Variants in LRBA observed in about 807,000 individuals in gnomAD.
The protein encoded by LRBA is LPS responsive beige-like anchor protein.
Under a neutral mutation model 330.0 loss-of-function variants are expected in LRBA, and 176 were observed. The observed-to-expected ratio is 0.53, with a 90% CI of 0.47 to 0.60. The LOEUF is 0.60. LRBA is among the 20% of genes least tolerant of loss of function. LRBA has a pLI of 0.00. For missense variants in LRBA, 3,259 were observed against 3,444.8 expected (o/e 0.95, Z 1.35); for synonymous variants, 1,230 against 1,193.0 (o/e 1.03, Z -0.64).
chr4:150,978,483 C>T (rs1442627928), intron 2 of LRBA, among the ~76,000 whole-genome samples: 2 of 152,152 alleles, frequency 1.3e-5, no homozygotes, highest in Non-Finnish European at 2.9e-5. Flanking sequence ...TGACAAACAT[C>T]CACAAGCATC....
intron 22 of LRBA, among the ~76,000 whole-genome samples, chr4:150,860,374 T>C (rs78171807): frequency 0.022 from 3,374 of 152,250 alleles, 123 homozygotes; most frequent in African/African-American, 0.076. Flanking sequence ...ATAAAAAGAC[T>C]CCATGATTAA....
In LRBA at chr4:150,662,910, T is replaced by C. The variant is rs114935442; in HGVS notation, c.5921+20641A>G. ...AGGTCAAGACTGCTGTGAGCCAAGA[T>C]TGTGGCACTGCACTCCAACCTGGGT... On this transcript the variant is annotated intron_variant, in intron 37 of 56. Coordinates refer to ENST00000651943, the MANE Select transcript of LRBA (RefSeq NM_001364905.1). Among the ~76,000 whole-genome samples, 713 of 152,236 alleles carry C rather than the reference T, an allele frequency of 4.7e-3. 6 individuals are homozygous for C. Among genetic ancestry groups the C allele is most frequent in the African/African-American group, 0.016 (679 of 41,552 alleles).
chr4:150,370,633 T>A (rs997021264), intron 47 of LRBA, among the ~76,000 whole-genome samples: 1 of 152,178 alleles, frequency 6.6e-6, no homozygotes, highest in Non-Finnish European at 1.5e-5. Context: ...AAGTCTAACA[T>A]AAAAGTGAAC....
intron 55 of LRBA, 74 bp downstream of exon 55, chr4:150,282,376 G>A (rs1359092493): frequency 2.0e-5 from 27 of 1,371,676 alleles, no homozygotes; most frequent in East Asian, 6.9e-5. Context: ...TTTCTTTCGC[G>A]AACCCTCTCC....
intron 36 of LRBA, among the ~76,000 whole-genome samples, chr4:150,716,032 T>C (rs1158793260): frequency 6.6e-6 from 1 of 152,174 alleles, no homozygotes; most frequent in African/African-American, 2.4e-5. Context: ...TCTGATGATA[T>C]AGCTCGAAAC....
intron 40 of LRBA, among the ~76,000 whole-genome samples, chr4:150,526,600 T>G (rs1763502718): frequency 1.3e-5 from 2 of 152,170 alleles, no homozygotes; most frequent in African/African-American, 2.4e-5. Flanking sequence ...TTTTCAGACC[T>G]TCACAAAAAT....
chr4:150,568,067 A>G lies in LRBA; in HGVS notation c.6330+19981T>C, dbSNP rs188467176. Among the ~76,000 whole-genome samples, 876 of 152,318 alleles carry G rather than the reference A, an allele frequency of 5.8e-3. 5 individuals carry two copies. Among genetic ancestry groups the G allele is most frequent in the Non-Finnish European group, 7.8e-3 (528 of 68,002 alleles). The stretch of plus-strand genomic sequence containing the variant: ...ACGCCTGTAATCCCAGACCTTTGGA[A>G]GGCTGAGGCAGGAGGACTGCTTGAG... On this transcript the variant is annotated intron_variant, in intron 40 of 56. Coordinates refer to ENST00000651943, the MANE Select transcript of LRBA (RefSeq NM_001364905.1).
At chr4:150,676,388 GCAAGCGA>G (rs1782561332) in intron 37 of LRBA, among the ~76,000 whole-genome samples, 1 of 152,138 alleles carries the variant, frequency 6.6e-6, no homozygotes, top group South Asian at 2.1e-4. Context: ...TTACATGAAG[GCAAGCGA>G]TATATTTGTC....
At chr4:150,340,773 A>G (rs1308837619) in intron 48 of LRBA, among the ~76,000 whole-genome samples, 2 of 152,118 alleles carry the variant, frequency 1.3e-5, no homozygotes, top group Non-Finnish European at 2.9e-5. Flanking sequence ...TAATTTCCTT[A>G]AGGATTTTTA....
intron 35 of LRBA, among the ~76,000 whole-genome samples, chr4:150,756,178 A>G (rs1273374649): frequency 6.6e-6 from 1 of 152,218 alleles, no homozygotes; most frequent in Non-Finnish European, 1.5e-5. Flanking sequence ...CACACAAGTC[A>G]TAAGACAGGA....
intron 37 of LRBA, among the ~76,000 whole-genome samples, chr4:150,679,840 G>C (rs1354232957): frequency 1.3e-5 from 2 of 152,076 alleles, no homozygotes; most frequent in Non-Finnish European, 1.5e-5. Flanking sequence ...GCATTTTTTA[G>C]AGATGAGAAC....
intron 37 of LRBA, among the ~76,000 whole-genome samples, chr4:150,669,495 T>G (rs748850697): frequency 6.6e-5 from 10 of 152,158 alleles, no homozygotes; most frequent in Non-Finnish European, 1.3e-4. Context: ...CTCCTTGTTT[T>G]TCATGAACTT....
chr4:150,672,232 G>A (rs985042445), intron 37 of LRBA, among the ~76,000 whole-genome samples: 17 of 152,044 alleles, frequency 1.1e-4, no homozygotes, highest in African/African-American at 2.7e-4. Context: ...GTGTACAGGC[G>A]TCAGTACTTT....
intron 40 of LRBA, among the ~76,000 whole-genome samples, chr4:150,559,893 AAT>A (rs1561352588): frequency 7.4e-5 from 4 of 53,984 alleles, no homozygotes; most frequent in African/African-American, 1.5e-4. Flanking sequence ...AATTATATAT[AAT>A]TATATATAAT....
chr4:150,748,059 C>A (rs1286974418), intron 35 of LRBA, among the ~76,000 whole-genome samples: 1 of 152,188 alleles, frequency 6.6e-6, no homozygotes. Flanking sequence ...TGTCCCACCA[C>A]AATAAATAGC....
intron 35 of LRBA, among the ~76,000 whole-genome samples, chr4:150,756,004 C>T (rs72959887): frequency 0.032 from 4,874 of 151,362 alleles, 213 homozygotes; most frequent in African/African-American, 0.11. Context: ...TGAGATGGTG[C>T]CCCTGCACTC....
At chr4:150,415,688 C>A in intron 46 of LRBA, 98 bp from the exon 47 acceptor site, 1 of 702,106 alleles carries the variant, frequency 1.4e-6, no homozygotes, top group South Asian at 2.3e-5. Context: ...TTCAGAAGAA[C>A]AAAATAAACA....
intron 30 of LRBA, among the ~76,000 whole-genome samples, chr4:150,820,130 T>C (rs780371610): frequency 1.3e-4 from 20 of 152,050 alleles, no homozygotes; most frequent in Non-Finnish European, 2.2e-4. Flanking sequence ...ACAATTATTA[T>C]TCAATTCTCA....
At chr4:150,610,672 C>T (rs1775163021) in intron 37 of LRBA, among the ~76,000 whole-genome samples, 1 of 152,178 alleles carries the variant, frequency 6.6e-6, no homozygotes, top group East Asian at 1.9e-4. Flanking sequence ...ATTTGGTTGG[C>T]AGACCAAAAT....
Sources: allele counts gnomAD v4.1 joint callset (sites outside exome capture counted in the v4.1 genomes callset), GRCh38; gene constraint gnomAD v4.1.1; transcripts MANE v1.5; gene names NCBI Gene and HGNC (gene_info 2026-07-23, HGNC 2026-07-21).